Variants in ADGRL3 observed in about 807,000 individuals in gnomAD.
The protein encoded by ADGRL3 is calcium-independent alpha-latrotoxin receptor 3.
In ADGRL3, 62 loss-of-function variants were observed where a neutral mutation model predicts 153.5. That is an observed-to-expected ratio of 0.40 (90% CI 0.33 to 0.50). The LOEUF is 0.50. ADGRL3 is among the 20% of genes least tolerant of loss of function. The pLI is 0.47. For synonymous variants in ADGRL3, 710 were observed against 672.5 expected (o/e 1.06, Z -0.86); for missense variants, 1,641 against 1,859.4 (o/e 0.88, Z 2.16).
intron 1 of ADGRL3, among the ~76,000 whole-genome samples, chr4:61,346,276 G>A (rs968533449): frequency 2.1e-5 from 3 of 143,456 alleles, no homozygotes; most frequent in Admixed American, 7.0e-5. Context: ...CTCCCCCCAC[G>A]CTCTCTCTCT....
chr4:61,511,225 T>C lies in ADGRL3; in HGVS notation c.56-6090T>C, dbSNP rs192876752. 4.4e-4 allele frequency among the ~76,000 whole-genome samples: 67 copies of C among 152,254 alleles called. No individual in the cohort carries two copies. In the East Asian group the frequency reaches 0.01, roughly 23 times the overall value. ...ATACAAAAAAATTAGCCGGACATGG[T>C]GGCGGGTGCCACCTCATCACCTTAT... On this transcript the variant is annotated intron_variant, in intron 3 of 26. Coordinates refer to ENST00000683033, the MANE Select transcript of ADGRL3 (RefSeq NM_001387552.1).
rs1203029363 is a variant in ADGRL3 at position 62,006,032 on chromosome 4, A to ATATATTT, written c.3395+7768_3395+7769insATATTTT. ...TATATATATATATATATATATATAT[A>ATATATTT]TTTTTTTTTTTTTTTGAGAAAGGGT... is the stretch of plus-strand genomic sequence containing the variant. On this transcript the variant is annotated intron_variant, in intron 21 of 26. Transcript: ENST00000683033. Among the ~76,000 whole-genome samples, 210 of 73,028 alleles carry ATATATTT rather than the reference A, an allele frequency of 2.9e-3. 1 individual carries two copies. Among genetic ancestry groups the ATATATTT allele is most frequent in the Non-Finnish European group, 4.5e-3 (172 of 37,958 alleles). The allele number at this position is 73,028 out of a possible 152,430, so 47.9% of individuals were successfully genotyped here. A position where few individuals can be genotyped will look rare whatever the true frequency, so the allele number is the denominator to read the frequency against.
intron 1 of ADGRL3, among the ~76,000 whole-genome samples, chr4:61,381,072 C>T (rs1474776910): frequency 6.6e-6 from 1 of 151,874 alleles, no homozygotes; most frequent in Non-Finnish European, 1.5e-5. Flanking sequence ...TTGGAGCTGT[C>T]TGCTGACTCT....
intron 2 of ADGRL3, among the ~76,000 whole-genome samples, chr4:61,487,085 T>C (rs2098203648): frequency 6.6e-6 from 1 of 152,206 alleles, no homozygotes; most frequent in South Asian, 2.1e-4. Flanking sequence ...AACCTACAAG[T>C]TAAAGACTAA....
At chr4:61,714,999 C>G (rs150966825) in intron 6 of ADGRL3, among the ~76,000 whole-genome samples, 21 of 152,192 alleles carry the variant, frequency 1.4e-4, no homozygotes, top group Non-Finnish European at 2.9e-4. Flanking sequence ...ATAAGTATTT[C>G]AAGTATTTAA....
intron 2 of ADGRL3, among the ~76,000 whole-genome samples, chr4:61,483,714 G>A (rs1311122065): frequency 6.6e-6 from 1 of 151,906 alleles, no homozygotes; most frequent in Admixed American, 6.6e-5. Flanking sequence ...TCCAGCCTGG[G>A]CAACAAGAGC....
chr4:61,781,960 A>T (rs1301949386), intron 8 of ADGRL3, among the ~76,000 whole-genome samples: 1 of 152,186 alleles, frequency 6.6e-6, no homozygotes, highest in African/African-American at 2.4e-5. Context: ...ACAAATACTT[A>T]TCGAATACTT....
At chr4:61,590,390 T>A (rs933349771) in intron 5 of ADGRL3, among the ~76,000 whole-genome samples, 1 of 152,056 alleles carries the variant, frequency 6.6e-6, no homozygotes, top group Non-Finnish European at 1.5e-5. Context: ...TTAAAAAAAA[T>A]ATTACACATA....
At chr4:61,672,794 C>T (rs1036084692) in intron 5 of ADGRL3, among the ~76,000 whole-genome samples, 1 of 151,880 alleles carries the variant, frequency 6.6e-6, no homozygotes, top group East Asian at 1.9e-4. Flanking sequence ...AATAGAACTA[C>T]CATATGTTCC....
At chr4:61,874,721 C>T (rs1033157174) in intron 9 of ADGRL3, among the ~76,000 whole-genome samples, 1 of 150,508 alleles carries the variant, frequency 6.6e-6, no homozygotes, top group Non-Finnish European at 1.5e-5. Flanking sequence ...GACCACAGAA[C>T]CCCCTCACGT....
At chr4:61,628,521 C>T (rs537114383) in intron 5 of ADGRL3, among the ~76,000 whole-genome samples, 17 of 152,298 alleles carry the variant, frequency 1.1e-4, no homozygotes, top group African/African-American at 1.7e-4. Flanking sequence ...TTTCATTTAA[C>T]ATTTTTCATC....
At chr4:61,690,140 G>T (rs1447767993) in intron 6 of ADGRL3, among the ~76,000 whole-genome samples, 1 of 152,114 alleles carries the variant, frequency 6.6e-6, no homozygotes, top group East Asian at 1.9e-4. Context: ...AAACTTCATA[G>T]ATACCAAAAG....
At chr4:61,981,433 A>G (rs553234168) in intron 18 of ADGRL3, among the ~76,000 whole-genome samples, 1 of 151,740 alleles carries the variant, frequency 6.6e-6, no homozygotes, top group African/African-American at 2.4e-5. Context: ...TTGGCACTTT[A>G]TATTTGCATG....
intron 2 of ADGRL3, among the ~76,000 whole-genome samples, chr4:61,456,415 AGATATATC>A (rs1181360767): frequency 1.8e-5 from 1 of 54,994 alleles, no homozygotes; most frequent in Non-Finnish European, 4.6e-5. Context: ...ATATATATAT[AGATATATC>A]TATATCTATA....
At chr4:61,338,646 T>G (rs1271610392) in intron 1 of ADGRL3, among the ~76,000 whole-genome samples, 2 of 152,196 alleles carry the variant, frequency 1.3e-5, no homozygotes, top group African/African-American at 4.8e-5. Context: ...ATTTCCGAAT[T>G]GGATGTCCAG....
At chr4:61,698,217 C>A (rs541483056) in intron 6 of ADGRL3, among the ~76,000 whole-genome samples, 2 of 152,146 alleles carry the variant, frequency 1.3e-5, no homozygotes, top group African/African-American at 4.8e-5. Flanking sequence ...TTTGGGAGGC[C>A]AAGGCAGGCA....
Position 61,733,079 on chromosome 4 carries a change from A to T in ADGRL3, c.924A>T (p.Gly308=). ...ATTTGCGGACTAGGATAAAGAGTGG[A>T]GAGGCTATCATAGCAAATGCCAATT... The part of the protein sequence containing the change: ...KFDLRTRIKS[G]EAIIANANYH... Residue 308 remains glycine, a synonymous_variant, in exon 8 of 27, where the codon GGA becomes GGT. Coordinates refer to ENST00000683033, the MANE Select transcript of ADGRL3 (RefSeq NM_001387552.1). 6.2e-7 allele frequency: 1 copy of T among 1,613,688 alleles called. No individual in the cohort carries two copies. Among genetic ancestry groups the T allele is most frequent in the Non-Finnish European group, 8.5e-7 (1 of 1,179,810 alleles).
intron 21 of ADGRL3, among the ~76,000 whole-genome samples, chr4:62,027,567 AT>A (rs1207719244): frequency 1.3e-5 from 2 of 152,070 alleles, no homozygotes; most frequent in East Asian, 3.9e-4. Context: ...AGCCACATCT[AT>A]TTTACTGCAT....
At chr4:61,213,616 C>T (rs1016339232) in intron 1 of ADGRL3, among the ~76,000 whole-genome samples, 3 of 152,008 alleles carry the variant, frequency 2.0e-5, no homozygotes, top group Non-Finnish European at 2.9e-5. Flanking sequence ...TGATTATCTG[C>T]ATCTGTATTG....
Sources: gnomAD v4.1 joint callset for allele counts (sites outside exome capture counted in the v4.1 genomes callset) on GRCh38, gnomAD v4.1.1 for gene constraint, MANE v1.5 for transcripts, NCBI Gene and HGNC (gene_info 2026-07-23, HGNC 2026-07-21) for gene names.